WDR7: variants seen among roughly 807,000 people sequenced by gnomAD.
WDR7 encodes the protein WD repeat-containing protein 7.
In WDR7, 46 loss-of-function variants were observed where a neutral mutation model predicts 169.4. The observed-to-expected ratio is 0.27, with a 90% CI of 0.21 to 0.35. The LOEUF is 0.35. Ranked by LOEUF, WDR7 falls within the 10% of genes least tolerant of loss-of-function variation. The pLI, the probability that WDR7 is intolerant of heterozygous loss-of-function variation, is 1.00. For missense variants in WDR7, 1,534 were observed against 1,859.3 expected (o/e 0.83, Z 3.22); for synonymous variants, 612 against 666.8 (o/e 0.92, Z 1.27).
At chr18:56,996,356 G>A (rs552455036) in intron 26 of WDR7, among the ~76,000 whole-genome samples, 10 of 152,186 alleles carry the variant, frequency 6.6e-5, no homozygotes, top group African/African-American at 2.4e-4. Flanking sequence ...AAGAAATAAG[G>A]GATTCATCTA....
chr18:56,912,333 A>G (rs1368432757), intron 21 of WDR7, among the ~76,000 whole-genome samples: 1 of 152,192 alleles, frequency 6.6e-6, no homozygotes, highest in Non-Finnish European at 1.5e-5. Flanking sequence ...TTCATCCACC[A>G]TTCTCTTCCT....
intron 20 of WDR7, among the ~76,000 whole-genome samples, chr18:56,837,177 G>A (rs914288350): frequency 6.6e-6 from 1 of 152,156 alleles, no homozygotes; most frequent in African/African-American, 2.4e-5. Context: ...TGGCTCTTTC[G>A]ACGGTGAGAA....
At chr18:56,818,067 C>A (rs182409269) in intron 20 of WDR7, among the ~76,000 whole-genome samples, 1 of 152,036 alleles carries the variant, frequency 6.6e-6, no homozygotes, top group African/African-American at 2.4e-5. Context: ...TAAGCCAGTC[C>A]GTGTTTGTTC....
chr18:56,769,143 T>C (rs771084118), intron 16 of WDR7, among the ~76,000 whole-genome samples: 3 of 152,174 alleles, frequency 2.0e-5, no homozygotes, highest in Non-Finnish European at 2.9e-5. Context: ...AAAAAGGGAT[T>C]AGAGTTATCA....
rs908936697 is a variant in WDR7, at chr18:56,658,897, TA to T, written c.-20+7322del. On this transcript the variant is annotated intron_variant, in intron 1 of 27. Transcript: ENST00000254442. ...CCAGCTAATTTTTGTATTTTTTTTT[TA>T]GTAGAGATGGGGTTTCACCATGTTG... is the stretch of plus-strand genomic sequence containing the variant. Among the ~76,000 whole-genome samples the T allele has an allele frequency of 2.0e-4, 31 of 152,164 alleles. 1 individual carries two copies. In the South Asian group the frequency reaches 5.4e-3, roughly 26 times the overall value.
intron 26 of WDR7, among the ~76,000 whole-genome samples, chr18:56,963,702 A>G (rs1202184359): frequency 6.6e-6 from 1 of 152,094 alleles, no homozygotes; most frequent in African/African-American, 2.4e-5. Flanking sequence ...TTTTTTTAAG[A>G]CATTAACTCC....
chr18:56,901,375 G>A (rs1168478674), intron 21 of WDR7, among the ~76,000 whole-genome samples: 3 of 152,194 alleles, frequency 2.0e-5, no homozygotes, highest in African/African-American at 7.2e-5. Flanking sequence ...TAGCTGGGTA[G>A]ATCTCTAGGC....
chr18:56,767,248 T>C (rs1011392712), intron 16 of WDR7, among the ~76,000 whole-genome samples: 4 of 152,188 alleles, frequency 2.6e-5, no homozygotes, highest in Non-Finnish European at 5.9e-5. Flanking sequence ...TCGAGTAGTT[T>C]CTTTACAGAC....
intron 25 of WDR7, among the ~76,000 whole-genome samples, chr18:56,950,918 A>G (rs1316175514): frequency 6.6e-6 from 1 of 152,184 alleles, no homozygotes; most frequent in Non-Finnish European, 1.5e-5. Context: ...CGTCCTCTTA[A>G]ATGTGTCAGG....
intron 21 of WDR7, among the ~76,000 whole-genome samples, chr18:56,884,905 T>C (rs1281198185): frequency 1.3e-5 from 2 of 152,192 alleles, no homozygotes; most frequent in African/African-American, 4.8e-5. Flanking sequence ...CCTGGCCACC[T>C]CCACTGGAGT....
At position 56,730,362 on chromosome 18, in the gene WDR7, G is replaced by A. The variant is rs114105559; in HGVS notation, c.1775-1021G>A. Among the ~76,000 whole-genome samples, 374 of 152,342 alleles carry A rather than the reference G, an allele frequency of 2.5e-3. 1 individual carries two copies. Among genetic ancestry groups the A allele is most frequent in the African/African-American group, 8.3e-3 (347 of 41,572 alleles). On this transcript the variant is annotated intron_variant, in intron 13 of 27. Transcript: ENST00000254442. The stretch of plus-strand genomic sequence containing the variant: ...AAAATGTAACATTAAGAGCTTGAAA[G>A]GTGGGTGAAGGAGGTGGTGAAGCTC...
intron 25 of WDR7, among the ~76,000 whole-genome samples, chr18:56,944,873 GAC>G (rs1403904969): frequency 5.3e-5 from 8 of 152,090 alleles, no homozygotes; most frequent in African/African-American, 1.9e-4. Flanking sequence ...AATTAAAGAA[GAC>G]ACTATGTAAA....
chr18:56,970,502 A>G (rs1403342561), intron 26 of WDR7, among the ~76,000 whole-genome samples: 1 of 152,202 alleles, frequency 6.6e-6, no homozygotes, highest in African/African-American at 2.4e-5. Flanking sequence ...CAACTGATTA[A>G]AATTTATTTA....
chr18:57,029,439 T>C lies in WDR7; in HGVS notation c.*2232T>C, dbSNP rs1356489086. 6.6e-6 allele frequency: 1 copy of C among 152,220 alleles called. No homozygotes were observed. Among genetic ancestry groups the C allele is most frequent in the Admixed American group, 6.5e-5 (1 of 15,280 alleles). The allele number at this position is 152,220 out of a possible 1,614,324, so 9.4% of individuals were successfully genotyped here. A position where few individuals can be genotyped will look rare whatever the true frequency, so the allele number is the denominator to read the frequency against. ...GTTAACATAAATCTCTCCTTGGCTA[T>C]TTTAATAGCCACAGTCCCAAACTTC... On this transcript the variant is annotated 3_prime_UTR_variant, in exon 28 of 28. Transcript: ENST00000254442.
intron 12 of WDR7, among the ~76,000 whole-genome samples, chr18:56,711,328 A>T (rs2026082165): frequency 6.6e-6 from 1 of 152,164 alleles, no homozygotes; most frequent in African/African-American, 2.4e-5. Flanking sequence ...ACATAAAATA[A>T]TATATCTGAA....
At chr18:56,663,148 T>C (rs2144463072) in intron 1 of WDR7, among the ~76,000 whole-genome samples, 1 of 152,334 alleles carries the variant, frequency 6.6e-6, no homozygotes, top group African/African-American at 2.4e-5. Flanking sequence ...CCTATCACAG[T>C]AGTGTCTTGC....
At chr18:56,749,386 T>TTG (rs71863855) in intron 14 of WDR7, among the ~76,000 whole-genome samples, 19,465 of 148,594 alleles carry the variant, frequency 0.13, 1,368 homozygotes, top group Non-Finnish European at 0.16. Context: ...GTGTGTGTGT[T>TTG]TGTGTGTGTG....
At chr18:56,929,060 T>C (rs1207883278) in intron 22 of WDR7, among the ~76,000 whole-genome samples, 1 of 152,136 alleles carries the variant, frequency 6.6e-6, no homozygotes, top group Non-Finnish European at 1.5e-5. Context: ...TGAGGCAGGA[T>C]CACTTGAGCC....
At position 56,757,037 on chromosome 18, in the gene WDR7, T is replaced by A. The variant is rs747440049; in HGVS notation, c.2444T>A (p.Val815Glu). 1.2e-6 allele frequency: 2 copies of A among 1,614,122 alleles called. No individual in the cohort carries two copies. Among genetic ancestry groups the A allele is most frequent in the Non-Finnish European group, 1.7e-6 (2 of 1,180,010 alleles). Residue 815 changes from valine to glutamate, a missense_variant, in exon 15 of 28, where the codon GTA becomes GAA. Coordinates refer to ENST00000254442, the MANE Select transcript of WDR7 (RefSeq NM_015285.3). ...SCLHAWGLNEVLDEVCLDRLG... is the reference protein window; with the variant it reads ...SCLHAWGLNEELDEVCLDRLG... ...CTTCACGCCTGGGGTTTGAATGAAGTACTGGATGAAGTTTGCCTGGATCGC... is the reference window on the plus strand; with the variant it reads ...CTTCACGCCTGGGGTTTGAATGAAGAACTGGATGAAGTTTGCCTGGATCGC...
Sources: gnomAD v4.1 joint callset for allele counts (sites outside exome capture counted in the v4.1 genomes callset) on GRCh38, gnomAD v4.1.1 for gene constraint, MANE v1.5 for transcripts, NCBI Gene and HGNC (gene_info 2026-07-23, HGNC 2026-07-21) for gene names.